The following LIMCH1 variants were observed in gnomAD, a reference collection of about 807,000 sequenced individuals.
The protein encoded by LIMCH1 is LIM and calponin homology domains 1, also known as LIM and calponin homology domains-containing protein 1.
LIMCH1 carries 113 observed loss-of-function variants against 176.5 expected under a neutral mutation model. The observed-to-expected ratio is 0.64, with a 90% CI of 0.55 to 0.75. The LOEUF (loss-of-function observed/expected upper bound fraction) is 0.75. Ranked by LOEUF, LIMCH1 falls within the 30% of genes least tolerant of loss-of-function variation. LIMCH1 has a pLI of 0.00. For synonymous variants in LIMCH1, 619 were observed against 645.9 expected (o/e 0.96, Z 0.63); for missense variants, 1,674 against 1,814.9 (o/e 0.92, Z 1.41).
chr4:41,582,909 T>C (rs1341939793), intron 1 of LIMCH1, among the ~76,000 whole-genome samples: 1 of 152,196 alleles, frequency 6.6e-6, no homozygotes, highest in African/African-American at 2.4e-5. Flanking sequence ...GTGTATTGTG[T>C]GCCCTTGGAA....
At chr4:41,625,435 T>C (rs2092883352) in intron 7 of LIMCH1, among the ~76,000 whole-genome samples, 1 of 152,204 alleles carries the variant, frequency 6.6e-6, no homozygotes, top group African/African-American at 2.4e-5. Flanking sequence ...ACATATTATT[T>C]ATTATTTCAA....
At chr4:41,516,506 C>T (rs1038911455) in intron 2 of LIMCH1, among the ~76,000 whole-genome samples, 3 of 152,194 alleles carry the variant, frequency 2.0e-5, no homozygotes, top group African/African-American at 7.2e-5. Flanking sequence ...GGGACAGTTC[C>T]TTTACTCCTT....
intron 1 of LIMCH1, among the ~76,000 whole-genome samples, chr4:41,384,353 T>C (rs1256958483): frequency 6.6e-6 from 1 of 151,488 alleles, no homozygotes; most frequent in Non-Finnish European, 1.5e-5. Context: ...TACAGGTGCC[T>C]GCCACCACGC....
At chr4:41,459,340 A>G (rs952291913) in intron 1 of LIMCH1, among the ~76,000 whole-genome samples, 4 of 151,588 alleles carry the variant, frequency 2.6e-5, no homozygotes, top group Admixed American at 2.6e-4. Context: ...TTGCTCTGTC[A>G]CCCAGGCTGG....
intron 1 of LIMCH1, among the ~76,000 whole-genome samples, chr4:41,380,923 G>A (rs768319416): frequency 6.6e-6 from 1 of 152,192 alleles, no homozygotes; most frequent in Non-Finnish European, 1.5e-5. Context: ...GAGCAGATTT[G>A]ACCACAGCTT....
chr4:41,493,910 C>G (rs1266368624), intron 1 of LIMCH1, among the ~76,000 whole-genome samples: 1 of 152,156 alleles, frequency 6.6e-6, no homozygotes, highest in Non-Finnish European at 1.5e-5. Flanking sequence ...CTTTAATCTT[C>G]CCATCTTGAT....
At chr4:41,410,117 G>A (rs1444364859) in intron 1 of LIMCH1, among the ~76,000 whole-genome samples, 1 of 152,092 alleles carries the variant, frequency 6.6e-6, no homozygotes, top group Non-Finnish European at 1.5e-5. Context: ...AAAAAAATCA[G>A]ATTCTGAATG....
intron 15 of LIMCH1, 51 bp downstream of exon 15, chr4:41,644,677 A>C: frequency 6.4e-7 from 1 of 1,569,932 alleles, no homozygotes; most frequent in Non-Finnish European, 8.7e-7. Flanking sequence ...TGGCAGCAGA[A>C]AATCCAGCCG....
intron 1 of LIMCH1, among the ~76,000 whole-genome samples, chr4:41,436,375 G>A (rs1186319711): frequency 1.3e-5 from 2 of 152,166 alleles, no homozygotes; most frequent in Non-Finnish European, 2.9e-5. Flanking sequence ...TGCCCCCACC[G>A]AAGGGTCTGG....
At chr4:41,532,045 A>C (rs527930129) in intron 3 of LIMCH1, among the ~76,000 whole-genome samples, 1 of 152,164 alleles carries the variant, frequency 6.6e-6, no homozygotes, top group Non-Finnish European at 1.5e-5. Flanking sequence ...TTGCGTTCCC[A>C]CACCACACAC....
chr4:41,624,535 G>C (rs1475154138), intron 7 of LIMCH1, among the ~76,000 whole-genome samples: 1 of 147,412 alleles, frequency 6.8e-6, no homozygotes, highest in African/African-American at 2.5e-5. Flanking sequence ...AAGTAATTGC[G>C]GTTTTGCCAT....
chr4:41,640,056 G>A (rs978038452), intron 14 of LIMCH1, among the ~76,000 whole-genome samples: 1 of 152,204 alleles, frequency 6.6e-6, no homozygotes, highest in Non-Finnish European at 1.5e-5. Flanking sequence ...TGTCTGCTTA[G>A]TTTGGACTCT....
At chr4:41,452,714 G>C (rs1236678108) in intron 1 of LIMCH1, among the ~76,000 whole-genome samples, 1 of 152,128 alleles carries the variant, frequency 6.6e-6, no homozygotes, top group Non-Finnish European at 1.5e-5. Flanking sequence ...GCACCGCAAG[G>C]CCAGTTTCAC....
At chr4:41,481,593 CAA>C in intron 1 of LIMCH1, among the ~76,000 whole-genome samples, 1 of 152,094 alleles carries the variant, frequency 6.6e-6, no homozygotes, top group Non-Finnish European at 1.5e-5. Context: ...CCTCAGGTGG[CAA>C]CTGCAGTTGT....
intron 1 of LIMCH1, among the ~76,000 whole-genome samples, chr4:41,492,569 A>C (rs998947361): frequency 5.3e-5 from 8 of 152,210 alleles, no homozygotes; most frequent in African/African-American, 1.9e-4. Flanking sequence ...TGTGAACTTA[A>C]AAAAATGTAC....
chr4:41,542,725 A>G (rs1264835310), intron 1 of LIMCH1, among the ~76,000 whole-genome samples: 2 of 152,170 alleles, frequency 1.3e-5, no homozygotes, highest in Non-Finnish European at 2.9e-5. Flanking sequence ...ATCCCATCAT[A>G]GCAGCTTCCC....
chr4:41,672,238 C>T (rs1037657779), intron 22 of LIMCH1, among the ~76,000 whole-genome samples: 34 of 152,098 alleles, frequency 2.2e-4, no homozygotes, highest in Non-Finnish European at 4.0e-4. Flanking sequence ...GGTGTGCTGG[C>T]GGGCACCTGT....
chr4:41,565,394 C>G (rs1293940935), intron 1 of LIMCH1, among the ~76,000 whole-genome samples: 22 of 147,910 alleles, frequency 1.5e-4, no homozygotes, highest in African/African-American at 5.7e-4. Flanking sequence ...TACACACACA[C>G]ACAGACACAC....
Position 41,376,921 on chromosome 4 carries a change from T to A in LIMCH1, c.96+15985T>A, listed in dbSNP as rs193290552. 2.2e-3 allele frequency among the ~76,000 whole-genome samples: 331 copies of A among 152,264 alleles called. 11 individuals are homozygous for A. In the East Asian group the frequency reaches 0.06, roughly 28 times the overall value. Reference sequence around the variant, plus strand: ...TGCAGTACTTAGTGAAAAACTAAAATTTTTTTAATTATAAAAGGGTGAATT... The same window carrying A: ...TGCAGTACTTAGTGAAAAACTAAAAATTTTTTAATTATAAAAGGGTGAATT... On this transcript the variant is annotated intron_variant, in intron 1 of 26. Coordinates refer to the LIMCH1 transcript ENST00000313860.
Sources: allele counts gnomAD v4.1 joint callset (sites outside exome capture counted in the v4.1 genomes callset), GRCh38; gene constraint gnomAD v4.1.1; transcripts MANE v1.5; gene names NCBI Gene and HGNC (gene_info 2026-07-23, HGNC 2026-07-21).